ATXN1: variants seen among roughly 807,000 people sequenced by gnomAD.
ATXN1 encodes the protein ataxin 1, also known as ataxin-1.
In ATXN1, 8 loss-of-function variants were observed where a neutral mutation model predicts 56.4. That is an observed-to-expected ratio of 0.14 (90% CI 0.08 to 0.26). The LOEUF is 0.26. Ranked by LOEUF, ATXN1 falls within the 10% of genes least tolerant of loss-of-function variation. ATXN1 has a pLI of 1.00. For missense variants in ATXN1, 987 were observed against 1,106.5 expected (o/e 0.89, Z 1.53); for synonymous variants, 514 against 494.6 (o/e 1.04, Z -0.52).
intron 3 of ATXN1, among the ~76,000 whole-genome samples, chr6:16,642,657 T>C (rs1763726505): frequency 6.6e-6 from 1 of 152,188 alleles, no homozygotes; most frequent in Non-Finnish European, 1.5e-5. Flanking sequence ...AACGTCATTG[T>C]TGTCTAATTT....
chr6:16,615,510 T>C (rs1170517957), intron 3 of ATXN1: 20 of 143,910 alleles, frequency 1.4e-4, no homozygotes, highest in Non-Finnish European at 2.4e-4. Flanking sequence ...TGATCTCAGT[T>C]CTTTCTTTCT....
At chr6:16,683,042 A>G (rs1291017847) in intron 2 of ATXN1, among the ~76,000 whole-genome samples, 1 of 152,154 alleles carries the variant, frequency 6.6e-6, no homozygotes, top group Non-Finnish European at 1.5e-5. Context: ...GCCAAAACCA[A>G]CCAGGGAGTT....
intron 2 of ATXN1, among the ~76,000 whole-genome samples, chr6:16,701,467 G>A (rs1333094767): frequency 1.3e-5 from 2 of 152,222 alleles, no homozygotes; most frequent in African/African-American, 2.4e-5. Context: ...TCAACATAGT[G>A]TTGGAAGTTC....
At position 16,327,660 on chromosome 6, in the gene ATXN1, C is replaced by CTGCTGATGCTGA. The variant is rs1483884699; in HGVS notation, c.650_651insTCAGCATCAGCA (p.Gln216_Gln217insHisGlnHisGln). 200 of 1,554,252 alleles carry CTGCTGATGCTGA rather than the reference C, an allele frequency of 1.3e-4. No individual in the cohort carries two copies. Among genetic ancestry groups the CTGCTGATGCTGA allele is most frequent in the East Asian group, 1.2e-3 (49 of 39,590 alleles). Reference sequence around the variant, plus strand: ...GCTGCTGCTGCTGCTGCTGCTGCTGCTGCTGCTGCTGCTGCTGATGCTGAT... The same window carrying CTGCTGATGCTGA: ...GCTGCTGCTGCTGCTGCTGCTGCTGCTGCTGATGCTGATGCTGCTGCTGCTGCTGATGCTGAT... On this transcript the variant is annotated inframe_insertion, in exon 7 of 8. Transcript: ENST00000436367.
At chr6:16,535,627 T>TA (rs1274224593) in intron 4 of ATXN1, among the ~76,000 whole-genome samples, 1 of 152,232 alleles carries the variant, frequency 6.6e-6, no homozygotes, top group Non-Finnish European at 1.5e-5. Context: ...GAGTTCTAAA[T>TA]AATTCATGCA....
At chr6:16,481,727 T>G (rs923026219) in intron 6 of ATXN1, among the ~76,000 whole-genome samples, 8 of 152,138 alleles carry the variant, frequency 5.3e-5, no homozygotes, top group African/African-American at 1.9e-4. Flanking sequence ...ATTTTTTCAT[T>G]CTAAGGTGTG....
chr6:16,431,092 G>A (rs1162674866), intron 6 of ATXN1, among the ~76,000 whole-genome samples: 6 of 152,086 alleles, frequency 3.9e-5, no homozygotes, highest in African/African-American at 4.8e-5. Flanking sequence ...ATGTTTTCTT[G>A]GGAAGGAGGG....
At chr6:16,474,798 T>A (rs1760291510) in intron 6 of ATXN1, among the ~76,000 whole-genome samples, 1 of 151,804 alleles carries the variant, frequency 6.6e-6, no homozygotes, top group African/African-American at 2.4e-5. Context: ...CTCCTTTAAC[T>A]ACTGTAGGTG....
chr6:16,759,543 T>G (rs989923473), intron 1 of ATXN1, among the ~76,000 whole-genome samples: 9 of 146,400 alleles, frequency 6.1e-5, no homozygotes, highest in African/African-American at 7.5e-5. Context: ...TTTTTTTTTT[T>G]TTTTTTTTTT....
At chr6:16,631,542 C>T (rs963607352) in intron 3 of ATXN1, among the ~76,000 whole-genome samples, 5 of 152,168 alleles carry the variant, frequency 3.3e-5, no homozygotes, top group African/African-American at 1.2e-4. Context: ...GCTGACTTGT[C>T]CCCCATCAGT....
chr6:16,708,828 C>A (rs545331541), intron 2 of ATXN1, among the ~76,000 whole-genome samples: 4 of 152,094 alleles, frequency 2.6e-5, no homozygotes, highest in Non-Finnish European at 5.9e-5. Context: ...GAGTTCAAGA[C>A]CAGCCTGGCC....
At chr6:16,682,346 A>G (rs892107241) in intron 2 of ATXN1, among the ~76,000 whole-genome samples, 1 of 151,838 alleles carries the variant, frequency 6.6e-6, no homozygotes, top group African/African-American at 2.4e-5. Flanking sequence ...ACAGGTGTGC[A>G]CCACCACACC....
chr6:16,593,776 C>A (rs1333973358), intron 3 of ATXN1, among the ~76,000 whole-genome samples: 2 of 151,444 alleles, frequency 1.3e-5, no homozygotes, highest in Non-Finnish European at 2.9e-5. Context: ...ATAGTTCCTT[C>A]ATATTCACTG....
At chr6:16,505,227 C>A (rs1760961079) in intron 5 of ATXN1, among the ~76,000 whole-genome samples, 2 of 152,124 alleles carry the variant, frequency 1.3e-5, no homozygotes, top group Non-Finnish European at 2.9e-5. Context: ...AAGAAGAAAA[C>A]ATACCGGCAG....
intron 6 of ATXN1, among the ~76,000 whole-genome samples, chr6:16,411,583 C>T (rs1350468513): frequency 6.6e-6 from 1 of 151,886 alleles, no homozygotes; most frequent in Non-Finnish European, 1.5e-5. Flanking sequence ...CTGGCTGCAT[C>T]AGGATTTAAG....
intron 2 of ATXN1, among the ~76,000 whole-genome samples, chr6:16,727,501 A>G (rs533280280): frequency 6.6e-6 from 1 of 152,228 alleles, no homozygotes; most frequent in South Asian, 2.1e-4. Flanking sequence ...TATAGTTTTA[A>G]CTCTCTTAAG....
chr6:16,306,974 G>A lies in ATXN1; in HGVS notation c.1918-115C>T. 3 of 1,207,190 alleles carry A rather than the reference G, an allele frequency of 2.5e-6. No homozygotes were observed. The highest frequency in any genetic ancestry group is 3.4e-6 in the Non-Finnish European group (3 of 885,916). The allele number at this position is 1,207,190 out of a possible 1,614,324, so 74.8% of individuals were successfully genotyped here. ...GTATGAACTCACACAGACACACACAGGCTGAATGGGGGAAAATGACTCAGT... is the reference window on the plus strand; with the variant it reads ...GTATGAACTCACACAGACACACACAAGCTGAATGGGGGAAAATGACTCAGT... On this transcript the variant is annotated intron_variant, in intron 7 of 7. Coordinates refer to ENST00000436367, the MANE Select transcript of ATXN1 (RefSeq NM_001128164.2). This position sits in a 1 kb window ranked among gnomAD's most constrained non-coding sequence, Gnocchi z 5.2.
At chr6:16,674,995 G>T (rs887095101) in intron 2 of ATXN1, among the ~76,000 whole-genome samples, 7 of 152,160 alleles carry the variant, frequency 4.6e-5, no homozygotes, top group South Asian at 2.1e-4. Flanking sequence ...TGGAAACATA[G>T]CCCCCATTCT....
chr6:16,535,665 G>A (rs1202015372), intron 4 of ATXN1, among the ~76,000 whole-genome samples: 1 of 152,196 alleles, frequency 6.6e-6, no homozygotes, highest in African/African-American at 2.4e-5. Flanking sequence ...AAGGTAGAGC[G>A]TAACTGCCCA....
Sources: allele counts gnomAD v4.1 joint callset (sites outside exome capture counted in the v4.1 genomes callset), GRCh38; gene constraint gnomAD v4.1.1; non-coding constraint Gnocchi (gnomAD v3.1); transcripts MANE v1.5; gene names NCBI Gene and HGNC (gene_info 2026-07-23, HGNC 2026-07-21).